Variants in ACTL6A observed in about 807,000 individuals in gnomAD.
ACTL6A encodes actin-like protein 6A.
ACTL6A carries 5 observed loss-of-function variants against 59.2 expected under a neutral mutation model. That is an observed-to-expected ratio of 0.08 (90% CI 0.04 to 0.18). The LOEUF is 0.18. Among genes scored for constraint, ACTL6A ranks in the 10% least tolerant of loss-of-function variants. The probability of loss-of-function intolerance (pLI) is 1.00; values close to 1 mark genes in which losing one functional copy is unlikely to be tolerated. For synonymous variants in ACTL6A, 154 were observed against 171.8 expected (o/e 0.90, Z 0.81); for missense variants, 285 against 526.9 (o/e 0.54, Z 4.49).
At chr3:179,574,327 T>C (rs745350194) in intron 4 of ACTL6A, 43 bp from the exon 5 acceptor site, 16 of 1,312,838 alleles carry the variant, frequency 1.2e-5, no homozygotes, top group Non-Finnish European at 1.6e-5. Flanking sequence ...AATCAACTTT[T>C]TAATTCTTAA....
intron 13 of ACTL6A, 69 bp from the exon 14 acceptor site, chr3:179,587,861 A>G (rs1718555922): frequency 1.4e-6 from 2 of 1,398,810 alleles, no homozygotes; most frequent in South Asian, 1.3e-5. Context: ...TCTCAAAAAA[A>G]AAAAATTTTT....
Position 179,563,033 on chromosome 3 carries a change from C to G in ACTL6A, c.-60C>G. The G allele has an allele frequency of 1.3e-6, 2 of 1,596,536 alleles. No homozygotes were observed. Among genetic ancestry groups the G allele is most frequent in the Non-Finnish European group, 1.7e-6 (2 of 1,173,676 alleles). On this transcript the variant is annotated 5_prime_UTR_variant, in exon 1 of 14. Transcript: ENST00000429709. ...TATCGCTCCTCGAGACTCGCAGTCG[C>G]GGCCACTGCAGTCACTTCGCCAGTT...
chr3:179,575,290 C>T (rs1576853080), intron 5 of ACTL6A: 2 of 437,808 alleles, frequency 4.6e-6, no homozygotes. Flanking sequence ...CCCACATGCT[C>T]CTACTCTTGC....
intron 5 of ACTL6A, chr3:179,575,185 T>C: frequency 2.8e-6 from 1 of 353,450 alleles, no homozygotes; most frequent in Non-Finnish European, 5.5e-6. Context: ...TAAGCCAGAA[T>C]CGTCTTCTAC....
At chr3:179,574,250 G>T in intron 4 of ACTL6A, 120 bp from the exon 5 acceptor site, 1 of 496,336 alleles carries the variant, frequency 2.0e-6, no homozygotes. Flanking sequence ...GATTTCCCAT[G>T]GTATTTTATT....
chr3:179,565,234 C>G lies in ACTL6A; in HGVS notation c.25+2117C>G, dbSNP rs60270213. Among the ~76,000 whole-genome samples the G allele has an allele frequency of 3.9e-5, 6 of 151,926 alleles. No homozygotes were observed. The East Asian group carries it at 1.2e-3, about 29-fold the overall frequency. The stretch of plus-strand genomic sequence containing the variant: ...GGCGGATCACTTGAGGCCAGGAGTT[C>G]AAGACCAGCTTGGCCAACATGACAA... On this transcript the variant is annotated intron_variant, in intron 1 of 13. Coordinates refer to ENST00000429709, the MANE Select transcript of ACTL6A (RefSeq NM_004301.5).
intron 11 of ACTL6A, among the ~76,000 whole-genome samples, chr3:179,582,651 G>T (rs1489275579): frequency 1.3e-5 from 2 of 151,446 alleles, no homozygotes; most frequent in African/African-American, 4.9e-5. Flanking sequence ...TTAATTTTTG[G>T]CTGGTGGTTG....
chr3:179,580,238 C>G (rs946142017), intron 8 of ACTL6A, among the ~76,000 whole-genome samples: 1 of 152,172 alleles, frequency 6.6e-6, no homozygotes, highest in Non-Finnish European at 1.5e-5. Context: ...TATGTACAGT[C>G]ATTAAAAGTT....
chr3:179,564,671 T>G (rs932428677), intron 1 of ACTL6A, among the ~76,000 whole-genome samples: 3 of 152,236 alleles, frequency 2.0e-5, no homozygotes. Context: ...TCCAGTTTAC[T>G]AAACTAATTA....
chr3:179,587,412 C>T (rs888052890), intron 13 of ACTL6A, among the ~76,000 whole-genome samples: 1 of 152,062 alleles, frequency 6.6e-6, no homozygotes, highest in Non-Finnish European at 1.5e-5. Context: ...TTTCTAAATC[C>T]TGACAATGTA....
chr3:179,567,142 G>A (rs184652733), intron 1 of ACTL6A, among the ~76,000 whole-genome samples: 224 of 152,148 alleles, frequency 1.5e-3, no homozygotes, highest in African/African-American at 5.2e-3. Flanking sequence ...AAGGCGAGTG[G>A]ATCACCTGAG....
Position 179,574,431 on chromosome 3 carries a change from C to G in ACTL6A, c.440C>G (p.Pro147Arg). Residue 147 changes from proline (P) to arginine (R), a missense_variant, in exon 5 of 14, where the codon CCT (proline) becomes CGT (arginine). Physicochemically the swap from Pro to Arg is moderately radical, Grantham distance 103 (BLOSUM62 -2). Transcript: ENST00000429709. ...TTAATGTTTGAACACTACAACATCCCTGCCTTCTTCCTTTGCAAAACTGCA... is the reference window on the plus strand; with the variant it reads ...TTAATGTTTGAACACTACAACATCCGTGCCTTCTTCCTTTGCAAAACTGCA... ...TELMFEHYNI[P>R]AFFLCKTAVL... is the part of the protein sequence containing the mutation. 6.2e-7 allele frequency: 1 copy of G among 1,613,342 alleles called. No homozygotes were observed. The highest frequency in any genetic ancestry group is 8.5e-7 in the Non-Finnish European group (1 of 1,179,444).
At chr3:179,582,908 A>T (rs780863926) in intron 11 of ACTL6A, among the ~76,000 whole-genome samples, 3 of 152,166 alleles carry the variant, frequency 2.0e-5, no homozygotes, top group Non-Finnish European at 4.4e-5. Context: ...TGTACACATT[A>T]AAATAATCTT....
At chr3:179,573,506 TG>T in intron 4 of ACTL6A, 37 bp downstream of exon 4, 8 of 1,377,516 alleles carry the variant, frequency 5.8e-6, no homozygotes, top group Middle Eastern at 1.8e-4. Context: ...TTTCTCTAGT[TG>T]TTTTTTTTTT....
chr3:179,568,652 T>G (rs993781456), intron 1 of ACTL6A, among the ~76,000 whole-genome samples: 1 of 152,202 alleles, frequency 6.6e-6, no homozygotes, highest in Non-Finnish European at 1.5e-5. Flanking sequence ...CTGACATATG[T>G]AGATCTAAAG....
At chr3:179,582,420 A>T (rs1718364879) in intron 11 of ACTL6A, among the ~76,000 whole-genome samples, 1 of 152,234 alleles carries the variant, frequency 6.6e-6, no homozygotes, top group Non-Finnish European at 1.5e-5. Flanking sequence ...CACTGCTTAT[A>T]AGTAGTAATT....
intron 3 of ACTL6A, 25 bp from the exon 4 acceptor site, chr3:179,573,344 C>T (rs952853052): frequency 2.1e-6 from 3 of 1,459,282 alleles, no homozygotes; most frequent in African/African-American, 2.9e-5. Context: ...TGCATTATTT[C>T]CAAGTTACTA....
intron 13 of ACTL6A, 171 bp downstream of exon 13, chr3:179,586,803 C>T (rs1253295373): frequency 3.5e-5 from 20 of 569,958 alleles, no homozygotes; most frequent in Non-Finnish European, 5.9e-5. Flanking sequence ...AACAAAATGC[C>T]TCTGCCTAAT....
chr3:179,583,161 C>T (rs1309971100), intron 11 of ACTL6A, 192 bp from the exon 12 acceptor site: 2 of 383,568 alleles, frequency 5.2e-6, no homozygotes, highest in African/African-American at 2.1e-5. Context: ...GTTTTAAAAG[C>T]TCCTTAGATG....
Sources: allele counts gnomAD v4.1 joint callset (sites outside exome capture counted in the v4.1 genomes callset), GRCh38; gene constraint gnomAD v4.1.1; transcripts MANE v1.5; gene names NCBI Gene and HGNC (gene_info 2026-07-23, HGNC 2026-07-21).